Variants in EYA1 observed in about 807,000 individuals in gnomAD.
EYA1 encodes protein phosphatase EYA1.
A neutral mutation model predicts 82.0 loss-of-function variants in EYA1; 16 were observed. The observed-to-expected ratio is 0.20, with a 90% CI of 0.13 to 0.30. The LOEUF (loss-of-function observed/expected upper bound fraction) is 0.30, where lower values mean the gene tolerates loss of function less well. Ranked by LOEUF, EYA1 falls within the 10% of genes least tolerant of loss-of-function variation. EYA1 has a pLI of 1.00. For missense variants in EYA1, 633 were observed against 730.7 expected, an observed-to-expected ratio of 0.87 and a Z score of 1.54; for synonymous variants, 261 against 264.4, an observed-to-expected ratio of 0.99 and a Z score of 0.12.
chr8:71,308,467 A>G (rs182794949), intron 7 of EYA1, among the ~76,000 whole-genome samples: 8 of 152,240 alleles, frequency 5.3e-5, no homozygotes, highest in African/African-American at 1.9e-4. Flanking sequence ...CAACCATAAC[A>G]AACAAGAAAC....
chr8:71,341,315 G>A (rs997886576), intron 3 of EYA1, among the ~76,000 whole-genome samples: 16 of 152,112 alleles, frequency 1.1e-4, no homozygotes, highest in Non-Finnish European at 1.9e-4. Context: ...ACCATGTAAC[G>A]TTATGTTACG....
rs1311138238 is a variant in EYA1, at chr8:71,293,859, CCTTT to C, written c.826+5184_826+5187del. On this transcript the variant is annotated intron_variant, in intron 9 of 17. Coordinates refer to ENST00000340726, the MANE Select transcript of EYA1 (RefSeq NM_000503.6). ...CTTCATGGCGAGAAACTAGATGTTT[CCTTT>C]CTAAGATAAGGAACAAAGCAAAGAT... Among the ~76,000 whole-genome samples, 87 of 115,448 alleles carry C rather than the reference CCTTT, an allele frequency of 7.5e-4. 2 individuals are homozygous for C. The highest frequency in any genetic ancestry group is 1.2e-4 in the Non-Finnish European group (6 of 49,196). 75.7% of individuals were successfully genotyped at this position (115,448 alleles called of 152,430 possible). A position where few individuals can be genotyped will look rare whatever the true frequency, so the allele number is the denominator to read the frequency against.
intron 2 of EYA1, among the ~76,000 whole-genome samples, chr8:71,427,536 G>A (rs1404360422): frequency 6.6e-6 from 1 of 152,144 alleles, no homozygotes; most frequent in Admixed American, 6.6e-5. Flanking sequence ...GAAGGCTGCT[G>A]AATAAATTAC....
chr8:71,456,222 G>C (rs1296801151), intron 2 of EYA1, among the ~76,000 whole-genome samples: 1 of 152,118 alleles, frequency 6.6e-6, no homozygotes, highest in Non-Finnish European at 1.5e-5. Flanking sequence ...ACCTCTTCAA[G>C]GAGAACTACA....
intron 1 of EYA1, among the ~76,000 whole-genome samples, chr8:71,543,936 G>T (rs1815351798): frequency 6.6e-6 from 1 of 152,080 alleles, no homozygotes; most frequent in Admixed American, 6.6e-5. Context: ...CTCAAGTTTA[G>T]CAAAGCAGTT....
intron 12 of EYA1, among the ~76,000 whole-genome samples, chr8:71,222,532 G>A (rs559843331): frequency 7.9e-5 from 12 of 152,206 alleles, no homozygotes; most frequent in Admixed American, 2.6e-4. Flanking sequence ...TGTATCCCTC[G>A]TAGAGGATAT....
At chr8:71,275,036 A>G (rs56013862) in intron 9 of EYA1, among the ~76,000 whole-genome samples, 71 of 151,314 alleles carry the variant, frequency 4.7e-4, no homozygotes, top group African/African-American at 1.6e-3. Context: ...GTCTACAGAA[A>G]AAGAACACAG....
chr8:71,370,383 G>A (rs945453701), intron 2 of EYA1, among the ~76,000 whole-genome samples: 3 of 147,762 alleles, frequency 2.0e-5, no homozygotes, highest in African/African-American at 7.6e-5. Flanking sequence ...TATCTAGTAT[G>A]TGCCAGGTAC....
chr8:71,474,705 T>C (rs752776601), intron 2 of EYA1, among the ~76,000 whole-genome samples: 33 of 152,230 alleles, frequency 2.2e-4, no homozygotes, highest in Non-Finnish European at 4.4e-4. Flanking sequence ...CTCTCTCCCA[T>C]GTCAAAGATA....
chr8:71,230,650 C>T (rs776187945), intron 12 of EYA1, among the ~76,000 whole-genome samples: 2 of 152,152 alleles, frequency 1.3e-5, no homozygotes, highest in African/African-American at 2.4e-5. Context: ...CCCTTCAGAC[C>T]ACACTGTTCC....
At chr8:71,361,198 CTTCA>C (rs1247712161) in intron 1 of EYA1, among the ~76,000 whole-genome samples, 4 of 152,072 alleles carry the variant, frequency 2.6e-5, no homozygotes, top group African/African-American at 9.7e-5. Context: ...ATGTTAAATG[CTTCA>C]TTTTTTTCAT....
intron 9 of EYA1, among the ~76,000 whole-genome samples, chr8:71,295,376 C>T (rs1819486607): frequency 6.6e-6 from 1 of 152,122 alleles, no homozygotes; most frequent in Admixed American, 6.5e-5. Context: ...TAAAACCCAA[C>T]AATAAGAAAA....
intron 2 of EYA1, among the ~76,000 whole-genome samples, chr8:71,490,393 T>A (rs1412156324): frequency 6.6e-6 from 1 of 152,214 alleles, no homozygotes; most frequent in African/African-American, 2.4e-5. Context: ...TATTTCAGAA[T>A]TAAACCTTCC....
upstream of EYA1, among the ~76,000 whole-genome samples, chr8:71,364,914 G>T (rs868750877): frequency 7.7e-6 from 1 of 129,708 alleles, no homozygotes; most frequent in Admixed American, 8.3e-5. Flanking sequence ...TAGGTTAAGG[G>T]CATGATCAAA....
At chr8:71,484,951 A>G (rs936935138) in intron 2 of EYA1, among the ~76,000 whole-genome samples, 4 of 152,234 alleles carry the variant, frequency 2.6e-5, no homozygotes, top group East Asian at 1.9e-4. Context: ...CATGTAAGCC[A>G]TAAGCAAAGC....
chr8:71,482,942 G>A (rs1056233307), intron 2 of EYA1, among the ~76,000 whole-genome samples: 3 of 152,132 alleles, frequency 2.0e-5, no homozygotes, highest in African/African-American at 7.2e-5. Context: ...CTTCCTGGTG[G>A]TGGTTACAGG....
chr8:71,396,692 A>G (rs1023217875), intron 2 of EYA1, among the ~76,000 whole-genome samples: 1 of 152,118 alleles, frequency 6.6e-6, no homozygotes, highest in Non-Finnish European at 1.5e-5. Context: ...ACATTTGCAG[A>G]GGGGTGCTTT....
At chr8:71,489,253 A>T (rs1810808290) in intron 2 of EYA1, among the ~76,000 whole-genome samples, 1 of 151,792 alleles carries the variant, frequency 6.6e-6, no homozygotes, top group Non-Finnish European at 1.5e-5. Flanking sequence ...GGCTTTCTGG[A>T]ACATTTATCT....
At chr8:71,372,141 TGG>T (rs1391258079) in intron 2 of EYA1, among the ~76,000 whole-genome samples, 1 of 152,040 alleles carries the variant, frequency 6.6e-6, no homozygotes, top group African/African-American at 2.4e-5. Context: ...CTCACATCAA[TGG>T]ATATTATTCG....
Sources: allele counts gnomAD v4.1 joint callset (sites outside exome capture counted in the v4.1 genomes callset), GRCh38; gene constraint gnomAD v4.1.1; transcripts MANE v1.5; gene names NCBI Gene and HGNC (gene_info 2026-07-23, HGNC 2026-07-21).